Variants in RGL4 observed in about 807,000 individuals in gnomAD.
The protein encoded by RGL4 is ral guanine nucleotide dissociation stimulator like 4.
RGL4 carries 41 observed loss-of-function variants against 49.6 expected under a neutral mutation model. That is an observed-to-expected ratio of 0.83 (90% CI 0.64 to 1.07). The LOEUF (loss-of-function observed/expected upper bound fraction) is 1.07. RGL4 is among the 50% of genes least tolerant of loss of function. The pLI is 0.00. For missense variants in RGL4, 610 were observed against 591.9 expected, an observed-to-expected ratio of 1.03 and a Z score of -0.32; for synonymous variants, 255 against 238.0, an observed-to-expected ratio of 1.07 and a Z score of -0.66.
At position 23,692,103 on chromosome 22, in the gene RGL4, G is replaced by A. The variant is rs763009412; in HGVS notation, c.73G>A (p.Gly25Ser). Reference protein sequence around the residue: ...SAQVYSAVLQGLWEENVCGTP... With the variant: ...SAQVYSAVLQSLWEENVCGTP... ...CCAGGTGTACAGTGCTGTGCTCCAG[G>A]GCCTTTGGGAAGAGAATGTCTGTGG... The change falls in exon 1 of 11, where the codon GGC (glycine) becomes AGC (serine). Residue 25 changes from glycine (G) to serine (S), a missense_variant. Physicochemically the swap from Gly to Ser is moderately conservative, Grantham distance 56. Coordinates refer to ENST00000290691, the MANE Select transcript of RGL4 (RefSeq NM_153615.2). 17 of 1,614,036 alleles carry A rather than the reference G, an allele frequency of 1.1e-5. No individual in the cohort carries two copies. The South Asian group carries it at 1.3e-4, about 13-fold the overall frequency.
chr22:23,696,736 G>A (rs1923527624), intron 7 of RGL4, 48 bp downstream of exon 7: 1 of 1,540,776 alleles, frequency 6.5e-7, no homozygotes, highest in South Asian at 1.2e-5. Flanking sequence ...CAGAGGACAG[G>A]GCTCCCTTCC....
rs544226593 is a variant in RGL4, at chr22:23,693,193, CAG to C, written c.696+205_696+206del. ...TGGGACATCACCAGCGCCAGCTGCA[CAG>C]AGTGACTGTGCAGACTGAGTGACAG... On this transcript the variant is annotated intron_variant, in intron 3 of 10. Coordinates refer to ENST00000290691, the MANE Select transcript of RGL4 (RefSeq NM_153615.2). 2.3e-4 allele frequency: 213 copies of C among 907,656 alleles called. 2 individuals carry two copies. In the African/African-American group the frequency reaches 3.1e-3, roughly 13 times the overall value. The allele number at this position is 907,656 out of a possible 1,614,324, so 56.2% of individuals were successfully genotyped here. A position where few individuals can be genotyped will look rare whatever the true frequency, so the allele number is the denominator to read the frequency against.
intron 6 of RGL4, among the ~76,000 whole-genome samples, chr22:23,695,899 AAC>A (rs1923463143): frequency 6.6e-6 from 1 of 151,986 alleles, no homozygotes; most frequent in Admixed American, 6.5e-5. Context: ...CCGTGCACGG[AAC>A]TCCCCTGGGG....
At chr22:23,696,750 C>A (rs1259531723) in intron 7 of RGL4, 62 bp downstream of exon 7, 3 of 1,434,066 alleles carry the variant, frequency 2.1e-6, no homozygotes, top group Non-Finnish European at 2.9e-6. Flanking sequence ...CCCTTCCCCG[C>A]CAGCTGGAGG....
Position 23,691,451 on chromosome 22 carries a change from C to G in RGL4, c.-580C>G, listed in dbSNP as rs1923132889. On this transcript the variant is annotated 5_prime_UTR_variant, in exon 1 of 11. Coordinates refer to ENST00000290691, the MANE Select transcript of RGL4 (RefSeq NM_153615.2). ...GGTTCACTCATTCAACACATACATT[C>G]AAAACACCTCATTTGTGCATCGCTC... 6.5e-6 allele frequency: 1 copy of G among 152,892 alleles called. No individual in the cohort carries two copies. The allele number at this position is 152,892 out of a possible 1,614,324, so 9.5% of individuals were successfully genotyped here.
intron 3 of RGL4, 81 bp downstream of exon 3, chr22:23,693,072 C>T: frequency 6.7e-7 from 1 of 1,481,656 alleles, no homozygotes; most frequent in Non-Finnish European, 8.9e-7. Context: ...AGCCAATGCC[C>T]TCGGTCCAAT....
intron 9 of RGL4, 71 bp downstream of exon 9, chr22:23,697,932 A>C (rs1294680100): frequency 1.3e-6 from 2 of 1,529,326 alleles, no homozygotes; most frequent in African/African-American, 2.7e-5. Flanking sequence ...TGGGCAGGAC[A>C]CTCCCTGGCT....
At position 23,698,834 on chromosome 22, in the gene RGL4, T is replaced by C; in HGVS notation, c.1383-10T>C. 1.2e-6 allele frequency: 2 copies of C among 1,609,984 alleles called. No homozygotes were observed. The highest frequency in any genetic ancestry group is 1.1e-5 in the South Asian group (1 of 90,124). On this transcript the variant is annotated splice_polypyrimidine_tract_variant and intron_variant, in intron 10 of 10. Transcript: ENST00000290691. The stretch of plus-strand genomic sequence containing the variant: ...CATGGTGGCCTCACAGCTGCTTCTC[T>C]GTCCTGCAGCTACAAGCTGTCCTGC...
chr22:23,696,795 G>A (rs1373705789), intron 7 of RGL4, 107 bp downstream of exon 7: 10 of 968,744 alleles, frequency 1.0e-5, no homozygotes, highest in Non-Finnish European at 1.5e-5. Context: ...TTCCTCCCCA[G>A]CCCTGTCCTC....
At chr22:23,696,489 C>T in intron 6 of RGL4, 125 bp from the exon 7 acceptor site, 4 of 1,559,756 alleles carry the variant, frequency 2.6e-6, no homozygotes, top group Non-Finnish European at 3.5e-6. Context: ...TGGATCTGGG[C>T]CAGTGGTATG....
intron 7 of RGL4, 131 bp downstream of exon 7, chr22:23,696,819 G>C (rs933817778): frequency 1.3e-6 from 1 of 783,784 alleles, no homozygotes; most frequent in Non-Finnish European, 2.0e-6. Flanking sequence ...TGGCCACTGG[G>C]CCTGGAAAAC....
intron 8 of RGL4, 45 bp from the exon 9 acceptor site, chr22:23,697,793 G>A (rs1285950170): frequency 1.3e-6 from 2 of 1,587,344 alleles, no homozygotes; most frequent in Admixed American, 1.8e-5. Context: ...GGTGGGGCTG[G>A]TTGTGGGCCA....
rs371654859 is a variant in RGL4 at position 23,691,661 on chromosome 22, G to A, written c.-370G>A. The A allele has an allele frequency of 1.9e-5, 4 of 213,464 alleles. No individual in the cohort carries two copies. The East Asian group carries it at 3.0e-4, about 16-fold the overall frequency. 13.2% of individuals were successfully genotyped at this position (213,464 alleles called of 1,614,324 possible). ...CCTCCCAGATTCTGACTAGAATGACGCAGCCCAGCAACAAATATAAACTGG... is the reference window on the plus strand; with the variant it reads ...CCTCCCAGATTCTGACTAGAATGACACAGCCCAGCAACAAATATAAACTGG... On this transcript the variant is annotated 5_prime_UTR_variant, in exon 1 of 11. Transcript: ENST00000290691.
intron 6 of RGL4, chr22:23,695,462 G>A: frequency 1.6e-6 from 1 of 607,032 alleles, no homozygotes. Flanking sequence ...TGCTGCTGCT[G>A]CTGCTGCTGC....
Position 23,694,976 on chromosome 22 carries a change from T to C in RGL4, c.1043T>C (p.Leu348Pro). Residue 348 changes from leucine (L) to proline (P), a missense_variant, in exon 6 of 11, where the codon CTC becomes CCC. Physicochemically the swap from Leu to Pro is moderately conservative, Grantham distance 98 (BLOSUM62 -3). Transcript: ENST00000290691. ...AAAAGCATGAAAGAGCTAAAAGAACTCTGCAAAAAAGACACTGCAGTGAAG... is the reference window on the plus strand; with the variant it reads ...AAAAGCATGAAAGAGCTAAAAGAACCCTGCAAAAAAGACACTGCAGTGAAG... ...SSKSMKELKE[L>P]CKKDTAVKRD... 6.2e-7 allele frequency: 1 copy of C among 1,613,656 alleles called. No homozygotes were observed. Among genetic ancestry groups the C allele is most frequent in the Non-Finnish European group, 8.5e-7 (1 of 1,179,652 alleles).
chr22:23,693,334 G>A (rs1303794484), intron 3 of RGL4: 1 of 446,196 alleles, frequency 2.2e-6, no homozygotes, highest in Non-Finnish European at 4.1e-6. Flanking sequence ...TTAGGTACCT[G>A]ATGCATACTG....
Position 23,694,982 on chromosome 22 carries a change from A to G in RGL4, c.1049A>G (p.Lys350Arg), listed in dbSNP as rs761731558. ...KSMKELKELC[K>R]KDTAVKRDLL... Reference sequence around the variant, plus strand: ...ATGAAAGAGCTAAAAGAACTCTGCAAAAAAGACACTGCAGTGAAGAGGGAC... The same window carrying G: ...ATGAAAGAGCTAAAAGAACTCTGCAGAAAAGACACTGCAGTGAAGAGGGAC... Residue 350 changes from lysine (K) to arginine (R), a missense_variant, in exon 6 of 11, where the codon AAA becomes AGA. Lys to Arg is a conservative substitution (Grantham distance 26). Coordinates refer to ENST00000290691, the MANE Select transcript of RGL4 (RefSeq NM_153615.2). 3.1e-6 allele frequency: 5 copies of G among 1,613,586 alleles called. No individual in the cohort carries two copies. The highest frequency in any genetic ancestry group is 4.2e-6 in the Non-Finnish European group (5 of 1,179,564).
rs1010502337 is a variant in RGL4, at chr22:23,693,867, C to T, written c.805C>T (p.His269Tyr). Residue 269 changes from histidine to tyrosine, a missense_variant, in exon 4 of 11, where the codon CAC becomes TAC. Coordinates refer to ENST00000290691, the MANE Select transcript of RGL4 (RefSeq NM_153615.2). ...ACCCACAGTTCGTGCCACCATCGCA[C>T]ACTTCAACAGGCTCACCAACTGCAT... ...MAPTVRATIA[H>Y]FNRLTNCITT... is the part of the protein sequence containing the mutation. The T allele has an allele frequency of 2.5e-6, 4 of 1,614,070 alleles. No homozygotes were observed. The highest frequency in any genetic ancestry group is 2.2e-5 in the East Asian group (1 of 44,880).
Position 23,697,856 on chromosome 22 carries a change from A to C in RGL4, c.1255A>C (p.Ser419Arg), listed in dbSNP as rs866037811. ...DDLDGNTNKR[S>R]KEVRVLQEMQ... Reference sequence around the variant, plus strand: ...CTTCCAGGGCAACACCAACAAGAGGAGCAAGGTGAGCAGCTGGGGCACTCA... The same window carrying C: ...CTTCCAGGGCAACACCAACAAGAGGCGCAAGGTGAGCAGCTGGGGCACTCA... The change falls in exon 9 of 11, where the codon AGC (serine) becomes CGC (arginine). Residue 419 changes from serine to arginine, a missense_variant. Physicochemically the swap from Ser to Arg is moderately radical, Grantham distance 110 (BLOSUM62 -1). Coordinates refer to ENST00000290691, the MANE Select transcript of RGL4 (RefSeq NM_153615.2). The C allele has an allele frequency of 1.5e-5, 24 of 1,606,780 alleles. No individual in the cohort carries two copies. In the Admixed American group the frequency reaches 1.9e-4, roughly 13 times the overall value.
Sources: gnomAD v4.1 joint callset for allele counts (sites outside exome capture counted in the v4.1 genomes callset) on GRCh38, gnomAD v4.1.1 for gene constraint, MANE v1.5 for transcripts, NCBI Gene and HGNC (gene_info 2026-07-23, HGNC 2026-07-21) for gene names.